The following PMS2 variants were observed in gnomAD, a reference collection of about 807,000 sequenced individuals.
The protein encoded by PMS2 is mismatch repair endonuclease PMS2.
PMS2 carries 69 observed loss-of-function variants against 90.0 expected under a neutral mutation model. That is an observed-to-expected ratio of 0.77 (90% CI 0.63 to 0.94). The LOEUF (loss-of-function observed/expected upper bound fraction) is 0.94. Among genes scored for constraint, PMS2 ranks in the 40% least tolerant of loss-of-function variants. PMS2 has a pLI of 0.00. For synonymous variants in PMS2, 332 were observed against 375.1 expected (o/e 0.89, Z 1.33); for missense variants, 966 against 1,040.2 (o/e 0.93, Z 0.98).
At chr7:5,984,404 G>A (rs6964944) in intron 11 of PMS2, among the ~76,000 whole-genome samples, 24,162 of 151,674 alleles carry the variant, frequency 0.16, 2,327 homozygotes, top group African/African-American at 0.21. Flanking sequence ...AATTAAATCC[G>A]GTGAAAATGG....
chr7:5,988,556 C>T (rs139380339), intron 10 of PMS2, among the ~76,000 whole-genome samples: 3,839 of 152,104 alleles, frequency 0.025, 71 homozygotes, highest in Non-Finnish European at 0.036. Flanking sequence ...GAGTGAGACT[C>T]CCTCTCAAAA....
Position 5,989,840 on chromosome 7 carries a change from G to A in PMS2, c.1104C>T (p.Asn368=), listed in dbSNP as rs1554298686. The change falls in exon 10 of 15, where the codon AAC becomes AAT. Residue 368 remains asparagine (N), a synonymous_variant. Coordinates refer to ENST00000265849, the MANE Select transcript of PMS2 (RefSeq NM_000535.7). ...GTGGCTGCTGACTGACATTTAGCTT[G>A]TTGACATCACTATCAAACATTCCTA... is the stretch of plus-strand genomic sequence containing the variant. ...SLIGMFDSDV[N]KLNVSQQPLL... 6.2e-7 allele frequency: 1 copy of A among 1,612,986 alleles called. No homozygotes were observed. Among genetic ancestry groups the A allele is most frequent in the Non-Finnish European group, 8.5e-7 (1 of 1,179,198 alleles).
chr7:5,993,034 T>G (rs962098879), intron 8 of PMS2, among the ~76,000 whole-genome samples: 7 of 152,090 alleles, frequency 4.6e-5, no homozygotes, highest in African/African-American at 1.7e-4. Context: ...AATTTAGAAG[T>G]TCAACCACAT....
At chr7:6,008,264 T>G (rs574555929) in intron 1 of PMS2, among the ~76,000 whole-genome samples, 11 of 152,174 alleles carry the variant, frequency 7.2e-5, no homozygotes, top group Non-Finnish European at 1.6e-4. Flanking sequence ...ATCTAATATA[T>G]TTAAATGCAG....
rs1781820682 is a variant in PMS2, at chr7:5,977,616, A to T, written c.2417T>A (p.Met806Lys). The T allele has an allele frequency of 6.3e-7, 1 of 1,589,446 alleles. No homozygotes were observed. Among genetic ancestry groups the T allele is most frequent in the Non-Finnish European group, 8.6e-7 (1 of 1,161,032 alleles). Reference sequence around the variant, plus strand: ...CTTCCGGCAGGCTCTGGAGGCAAACATCTGCTTGACTCGGGAAGGCCGGCA... The same window carrying T: ...CTTCCGGCAGGCTCTGGAGGCAAACTTCTGCTTGACTCGGGAAGGCCGGCA... ...VMCRPSRVKQMFASRACRKSV... is the reference protein window; with the variant it reads ...VMCRPSRVKQKFASRACRKSV... Residue 806 changes from methionine to lysine, a missense_variant, in exon 14 of 15, where the codon ATG (methionine) becomes AAG (lysine). Physicochemically the swap from Met to Lys is moderately conservative, Grantham distance 95 (BLOSUM62 -1). This residue lies in a region of PMS2 where 95 missense variants were observed against 237.8 expected (regional missense o/e 0.40). Coordinates refer to ENST00000265849, the MANE Select transcript of PMS2 (RefSeq NM_000535.7).
chr7:5,998,386 T>C (rs1220520610), intron 6 of PMS2, among the ~76,000 whole-genome samples: 1 of 147,768 alleles, frequency 6.8e-6, no homozygotes, highest in East Asian at 2.1e-4. Flanking sequence ...GGCCTTGTGA[T>C]AGGCACTTTA....
At chr7:5,996,211 A>C (rs1784373643) in intron 7 of PMS2, among the ~76,000 whole-genome samples, 1 of 152,140 alleles carries the variant, frequency 6.6e-6, no homozygotes, top group Non-Finnish European at 1.5e-5. Flanking sequence ...AAGTGGAGGA[A>C]GAGTAAGAAA....
At chr7:5,986,662 A>G (rs2128719081) in intron 11 of PMS2, 97 bp downstream of exon 11, 2 of 970,796 alleles carry the variant, frequency 2.1e-6, no homozygotes, top group East Asian at 5.6e-5. Flanking sequence ...ACTGCATTCC[A>G]GCCTGCGCAA....
intron 8 of PMS2, among the ~76,000 whole-genome samples, chr7:5,992,563 G>A (rs1369268360): frequency 2.6e-5 from 4 of 151,732 alleles, no homozygotes; most frequent in Non-Finnish European, 4.4e-5. Context: ...CAGTTGATCC[G>A]CCCGCCTCAA....
chr7:5,999,041 G>A (rs557877134), intron 6 of PMS2, 67 bp downstream of exon 6: 6 of 1,443,890 alleles, frequency 4.2e-6, no homozygotes, highest in Admixed American at 1.7e-5. Flanking sequence ...TCTACTGGAA[G>A]GGACAATGGA....
chr7:5,980,916 C>CAGCA (rs1456550884), intron 12 of PMS2, among the ~76,000 whole-genome samples: 1 of 151,434 alleles, frequency 6.6e-6, no homozygotes, highest in East Asian at 1.9e-4. Context: ...GGAGAGTACT[C>CAGCA]AGCAAACTAC....
rs63751300 is a variant in PMS2, at chr7:5,987,206, G to A, written c.1559C>T (p.Ala520Val). Reference sequence around the variant, plus strand: ...GCCCCTGTCCCCTGGGGAGCTGGCCGCATACTCGCTGCTGCAGTGACTGCC... The same window carrying A: ...GCCCCTGTCCCCTGGGGAGCTGGCCACATACTCGCTGCTGCAGTGACTGCC... Reference protein sequence around the residue: ...DTGSHCSSEYAASSPGDRGSQ... With the variant: ...DTGSHCSSEYVASSPGDRGSQ... The change falls in exon 11 of 15, where the codon GCG becomes GTG. Residue 520 changes from alanine (A) to valine (V), a missense_variant. Around this residue, in one of 2 missense-constraint regions of PMS2, gnomAD observed 871 missense variants for 802.4 expected, o/e 1.09. Coordinates refer to ENST00000265849, the MANE Select transcript of PMS2 (RefSeq NM_000535.7). The A allele has an allele frequency of 4.7e-5, 76 of 1,613,986 alleles. No individual in the cohort carries two copies. Among genetic ancestry groups the A allele is most frequent in the Admixed American group, 4.2e-4 (25 of 59,998 alleles).
intron 10 of PMS2, among the ~76,000 whole-genome samples, chr7:5,988,549 T>C (rs1486142937): frequency 6.6e-6 from 1 of 151,742 alleles, no homozygotes; most frequent in South Asian, 2.1e-4. Flanking sequence ...GGCGACAGAG[T>C]GAGACTCCCT....
intron 12 of PMS2, among the ~76,000 whole-genome samples, chr7:5,980,840 A>G (rs1445210087): frequency 6.7e-6 from 1 of 149,450 alleles, no homozygotes; most frequent in East Asian, 2.0e-4. Context: ...TATTATTACC[A>G]TTGCCTCCTA....
At chr7:5,978,427 C>T (rs12537416) in intron 13 of PMS2, among the ~76,000 whole-genome samples, 169 bp downstream of exon 13, 4 of 142,582 alleles carry the variant, frequency 2.8e-5, no homozygotes, top group Admixed American at 7.8e-5. Context: ...CCCGCCACCA[C>T]GCCCGGCTAC....
chr7:6,001,527 T>C (rs897789963), intron 5 of PMS2, among the ~76,000 whole-genome samples: 20 of 152,188 alleles, frequency 1.3e-4, no homozygotes, highest in Non-Finnish European at 2.1e-4. Flanking sequence ...CATGCCACCA[T>C]GCCCAGCTAA....
intron 10 of PMS2, among the ~76,000 whole-genome samples, 170 bp downstream of exon 10, chr7:5,989,630 G>A (rs1783488468): frequency 1.3e-5 from 2 of 152,114 alleles, no homozygotes; most frequent in Non-Finnish European, 2.9e-5. Flanking sequence ...TGGCACCACT[G>A]CAGTCCAGCC....
chr7:5,981,461 G>T (rs1477471842), intron 12 of PMS2, among the ~76,000 whole-genome samples: 2 of 149,640 alleles, frequency 1.3e-5, no homozygotes, highest in African/African-American at 4.9e-5. Context: ...GCCCAGGCTG[G>T]TCTCAAACTC....
intron 1 of PMS2, among the ~76,000 whole-genome samples, chr7:6,006,866 A>G (rs1413346598): frequency 6.6e-6 from 1 of 152,142 alleles, no homozygotes; most frequent in Non-Finnish European, 1.5e-5. Context: ...TAAGAGTTTT[A>G]TAAAGGTTTT....
Sources: gnomAD v4.1 joint callset for allele counts (sites outside exome capture counted in the v4.1 genomes callset) on GRCh38, gnomAD v4.1.1 for gene constraint, gnomAD v4.1.1 regional missense constraint, MANE v1.5 for transcripts, NCBI Gene and HGNC (gene_info 2026-07-23, HGNC 2026-07-21) for gene names.